Variants in ZNF33B observed in about 807,000 individuals in gnomAD.
ZNF33B encodes the protein zinc finger protein 33B.
ZNF33B carries 29 observed loss-of-function variants against 45.8 expected under a neutral mutation model. The observed-to-expected ratio is 0.63, with a 90% confidence interval of 0.47 to 0.86. The LOEUF is 0.86. Among genes scored for constraint, ZNF33B ranks in the 40% least tolerant of loss-of-function variants. ZNF33B has a pLI of 0.00. For missense variants in ZNF33B, 831 were observed against 909.9 expected (o/e 0.91, Z 1.12); for synonymous variants, 305 against 307.8 (o/e 0.99, Z 0.10).
chr10:42,593,781 C>T lies in ZNF33B; in HGVS notation c.1169G>A (p.Cys390Tyr), dbSNP rs1482421486. Residue 390 changes from cysteine (C) to tyrosine (Y), a missense_variant, in exon 5 of 5, where the codon TGT (cysteine) becomes TAT (tyrosine). By Grantham distance (194) the Cys-to-Tyr change is radical. Coordinates refer to ENST00000359467, the MANE Select transcript of ZNF33B (RefSeq NM_006955.3). ...TGACTTATGGCTAAAGGCTTTCCCA[C>T]ATTCATTGCATTCAAAAGGTTTCTC... ...TGEKPFECNECGKAFSHKSAL... is the reference protein window; with the variant it reads ...TGEKPFECNEYGKAFSHKSAL... 3.1e-6 allele frequency: 5 copies of T among 1,613,832 alleles called. No homozygotes were observed. Among genetic ancestry groups the T allele is most frequent in the African/African-American group, 1.3e-5 (1 of 74,882 alleles).
intron 2 of ZNF33B, chr10:42,632,786 T>C (rs1426352716): frequency 3.7e-6 from 1 of 270,582 alleles, no homozygotes; most frequent in Non-Finnish European, 6.9e-6. Context: ...CAAAGTTAGC[T>C]CTGCTTTGAG....
intron 1 of ZNF33B, chr10:42,581,984 T>C (rs1836834529): frequency 6.6e-6 from 1 of 152,174 alleles, no homozygotes; most frequent in African/African-American, 2.4e-5. Flanking sequence ...GGCATGATGG[T>C]GCATGCCTGT....
intron 4 of ZNF33B, among the ~76,000 whole-genome samples, chr10:42,601,935 G>C (rs1444150507): frequency 7.3e-6 from 1 of 137,798 alleles, no homozygotes; most frequent in Non-Finnish European, 1.6e-5. Context: ...TTTTTTGGGG[G>C]GAGACAGGGT....
downstream of ZNF33B, among the ~76,000 whole-genome samples, chr10:42,586,971 C>G (rs1276474967): frequency 6.8e-6 from 1 of 147,926 alleles, no homozygotes; most frequent in African/African-American, 2.6e-5. Context: ...GGGACAAGGT[C>G]TCGGCTTCCA....
At chr10:42,579,298 TTC>T (rs1836791176) in intron 1 of ZNF33B, among the ~76,000 whole-genome samples, 1 of 152,314 alleles carries the variant, frequency 6.6e-6, no homozygotes, top group Middle Eastern at 3.4e-3. Context: ...GAACGATTGA[TTC>T]TGTTATTCAT....
intron 4 of ZNF33B, among the ~76,000 whole-genome samples, chr10:42,609,197 C>G (rs1437721192): frequency 6.6e-6 from 1 of 152,186 alleles, no homozygotes; most frequent in Non-Finnish European, 1.5e-5. Context: ...AGGCAGATCA[C>G]TTGAACTCAG....
intron 4 of ZNF33B, among the ~76,000 whole-genome samples, chr10:42,618,014 C>T (rs1589054847): frequency 6.6e-6 from 1 of 152,164 alleles, no homozygotes; most frequent in East Asian, 1.9e-4. Context: ...AGCCATTCTT[C>T]TCCCTTCTTT....
At chr10:42,599,155 T>G (rs1225711858) in intron 4 of ZNF33B, among the ~76,000 whole-genome samples, 1 of 152,168 alleles carries the variant, frequency 6.6e-6, no homozygotes, top group East Asian at 1.9e-4. Context: ...ATAATATCTA[T>G]AGAATCTTCA....
chr10:42,622,173 G>A (rs1838619932), intron 4 of ZNF33B, among the ~76,000 whole-genome samples: 2 of 152,112 alleles, frequency 1.3e-5, no homozygotes, highest in African/African-American at 2.4e-5. Flanking sequence ...AAATACTGAT[G>A]AAAAATATTA....
intron 4 of ZNF33B, among the ~76,000 whole-genome samples, chr10:42,608,873 T>C (rs1364130241): frequency 3.5e-5 from 5 of 142,904 alleles, no homozygotes; most frequent in African/African-American, 1.4e-4. Context: ...CTAATTAGAC[T>C]GACAATGGAA....
At chr10:42,615,246 T>C (rs1434966862) in intron 4 of ZNF33B, among the ~76,000 whole-genome samples, 3 of 152,154 alleles carry the variant, frequency 2.0e-5, no homozygotes, top group African/African-American at 4.8e-5. Context: ...TGAAAATACA[T>C]GTCCATGTGA....
At position 42,591,426 on chromosome 10, in the gene ZNF33B, T is replaced by A. The variant is rs1269170925; in HGVS notation, c.*1187A>T. ...TAGATCTTCACACGTACAGGATAGA[T>A]TTTTTTTCAGATAATCTGTTATTTT... On this transcript the variant is annotated 3_prime_UTR_variant, in exon 5 of 5. Transcript: ENST00000359467. 1 of 301,374 alleles carries A rather than the reference T, an allele frequency of 3.3e-6. No individual in the cohort carries two copies. Among genetic ancestry groups the A allele is most frequent in the African/African-American group, 2.5e-5 (1 of 39,460 alleles). The allele number at this position is 301,374 out of a possible 1,614,324, so 18.7% of individuals were successfully genotyped here. A position where few individuals can be genotyped will look rare whatever the true frequency, so the allele number is the denominator to read the frequency against.
downstream of ZNF33B, among the ~76,000 whole-genome samples, chr10:42,586,772 G>A (rs1209466122): frequency 6.6e-6 from 1 of 152,220 alleles, no homozygotes; most frequent in Non-Finnish European, 1.5e-5. Flanking sequence ...GTGCAGAGAT[G>A]AGAGTGTAGC....
chr10:42,591,325 A>AT lies in ZNF33B; in HGVS notation c.*1287dup, dbSNP rs1837113061. 1 of 709,864 alleles carries AT rather than the reference A, an allele frequency of 1.4e-6. No individual in the cohort carries two copies. Among genetic ancestry groups the AT allele is most frequent in the Non-Finnish European group, 1.7e-6 (1 of 579,044 alleles). 44.0% of individuals were successfully genotyped at this position (709,864 alleles called of 1,614,324 possible). A position where few individuals can be genotyped will look rare whatever the true frequency, so the allele number is the denominator to read the frequency against. On this transcript the variant is annotated 3_prime_UTR_variant, in exon 5 of 5. Transcript: ENST00000359467. ...TTACGCTGAAGGCTGGAGTGTTCAC[A>AT]TATGTACCCCAGGCAGTTCATGGCA...
At chr10:42,629,039 A>G (rs1452032238) in intron 4 of ZNF33B, among the ~76,000 whole-genome samples, 1 of 152,240 alleles carries the variant, frequency 6.6e-6, no homozygotes, top group East Asian at 1.9e-4. Flanking sequence ...CACAAGAGCT[A>G]AGATTTGGAA....
At chr10:42,575,701 A>G (rs1448137458) in intron 1 of ZNF33B, among the ~76,000 whole-genome samples, 1 of 147,714 alleles carries the variant, frequency 6.8e-6, no homozygotes, top group Non-Finnish European at 1.5e-5. Flanking sequence ...GTTTATAATG[A>G]CTGCATAATA....
At chr10:42,584,033 A>G (rs1179475629) in intron 1 of ZNF33B, among the ~76,000 whole-genome samples, 1 of 151,234 alleles carries the variant, frequency 6.6e-6, no homozygotes, top group Non-Finnish European at 1.5e-5. Context: ...CCTCCCTCCA[A>G]CTCCCCCAGC....
At chr10:42,575,637 C>T (rs1836736870) in intron 1 of ZNF33B, among the ~76,000 whole-genome samples, 1 of 151,314 alleles carries the variant, frequency 6.6e-6, no homozygotes, top group Non-Finnish European at 1.5e-5. Context: ...ATTTTATATA[C>T]CACTAGTGTC....
chr10:42,605,915 C>A (rs1283731119), intron 4 of ZNF33B, among the ~76,000 whole-genome samples: 2 of 151,818 alleles, frequency 1.3e-5, no homozygotes, highest in African/African-American at 4.8e-5. Context: ...AGGCAACATA[C>A]TGAGACCCTA....
Sources: gnomAD v4.1 joint callset for allele counts (sites outside exome capture counted in the v4.1 genomes callset) on GRCh38, gnomAD v4.1.1 for gene constraint, MANE v1.5 for transcripts, NCBI Gene and HGNC (gene_info 2026-07-23, HGNC 2026-07-21) for gene names.